PLD5: variants seen among roughly 807,000 people sequenced by gnomAD.
The protein encoded by PLD5 is phospholipase D family member 5, also known as inactive phospholipase D5.
Under a neutral mutation model 61.1 loss-of-function variants are expected in PLD5, and 36 were observed. The ratio of observed to expected loss-of-function variants is 0.59; its 90% confidence interval spans 0.45 to 0.78. The LOEUF (loss-of-function observed/expected upper bound fraction) is 0.78, where lower values mean the gene tolerates loss of function less well. PLD5 is among the 30% of genes least tolerant of loss of function. PLD5 has a pLI of 0.00. For missense variants in PLD5, 515 were observed against 644.4 expected (o/e 0.80, Z 2.17); for synonymous variants, 243 against 242.8 (o/e 1.00, Z -0.01).
intron 4 of PLD5, among the ~76,000 whole-genome samples, chr1:242,234,345 C>T (rs1671501281): frequency 6.6e-6 from 1 of 152,158 alleles, no homozygotes; most frequent in Admixed American, 6.5e-5. Context: ...AGGAGCCCCA[C>T]ATCTTATGAA....
chr1:242,089,416 AT>A lies in PLD5; in HGVS notation c.*437del. The A allele has an allele frequency of 2.5e-5, 10 of 399,640 alleles. No homozygotes were observed. Among genetic ancestry groups the A allele is most frequent in the Admixed American group, 1.3e-4 (3 of 23,082 alleles). 24.8% of individuals were successfully genotyped at this position (399,640 alleles called of 1,614,324 possible). ...TAGGTCTTGGAGACGATTTACAAGA[AT>A]AAACACTTGGTTTTATCAGTCTCTT... On this transcript the variant is annotated 3_prime_UTR_variant, in exon 10 of 10. Transcript: ENST00000536534.
At chr1:242,330,958 C>T (rs535859782) in intron 2 of PLD5, among the ~76,000 whole-genome samples, 1 of 152,250 alleles carries the variant, frequency 6.6e-6, no homozygotes, top group South Asian at 2.1e-4. Flanking sequence ...CTTCTCCTCC[C>T]CTGGTCCAGT....
intron 5 of PLD5, among the ~76,000 whole-genome samples, chr1:242,200,122 C>G (rs751320981): frequency 6.6e-6 from 1 of 152,180 alleles, no homozygotes; most frequent in Non-Finnish European, 1.5e-5. Flanking sequence ...ATGGACTTTT[C>G]CTTTTTCCTA....
intron 4 of PLD5, among the ~76,000 whole-genome samples, chr1:242,221,484 T>C (rs1364564002): frequency 6.6e-6 from 1 of 152,194 alleles, no homozygotes; most frequent in Non-Finnish European, 1.5e-5. Context: ...ATTTACACTA[T>C]GAACTTAATG....
At chr1:242,211,721 G>A (rs1295473323) in intron 5 of PLD5, among the ~76,000 whole-genome samples, 1 of 152,094 alleles carries the variant, frequency 6.6e-6, no homozygotes, top group African/African-American at 2.4e-5. Context: ...TGGACCCCCC[G>A]AAAATGAAGG....
chr1:242,138,890 G>C (rs1574375402), intron 5 of PLD5, among the ~76,000 whole-genome samples: 2 of 152,208 alleles, frequency 1.3e-5, no homozygotes, highest in Non-Finnish European at 2.9e-5. Context: ...CCACAACTGT[G>C]TAAGAACTAA....
At chr1:242,445,699 A>G (rs1032189909) in intron 1 of PLD5, among the ~76,000 whole-genome samples, 10 of 151,018 alleles carry the variant, frequency 6.6e-5, no homozygotes, top group African/African-American at 2.4e-4. Flanking sequence ...CAGCCTGAAC[A>G]GACTAAGACA....
intron 9 of PLD5, among the ~76,000 whole-genome samples, chr1:242,092,678 T>G (rs1300887770): frequency 6.6e-6 from 1 of 152,110 alleles, no homozygotes; most frequent in Non-Finnish European, 1.5e-5. Context: ...ATCATCTGTC[T>G]CCCTGGGCAC....
intron 3 of PLD5, among the ~76,000 whole-genome samples, chr1:242,278,949 C>A (rs1000595648): frequency 1.3e-5 from 2 of 152,196 alleles, no homozygotes; most frequent in African/African-American, 4.8e-5. Flanking sequence ...TGTCTTTATG[C>A]TGACACTGTA....
intron 5 of PLD5, among the ~76,000 whole-genome samples, chr1:242,170,576 G>C (rs1448708229): frequency 6.6e-6 from 1 of 152,170 alleles, no homozygotes; most frequent in African/African-American, 2.4e-5. Context: ...GACATAAGTA[G>C]GCTTCAGAAG....
At chr1:242,169,879 C>T (rs1207812046) in intron 5 of PLD5, among the ~76,000 whole-genome samples, 1 of 152,178 alleles carries the variant, frequency 6.6e-6, no homozygotes, top group Non-Finnish European at 1.5e-5. Context: ...GACTGCCTTT[C>T]TAGATATCTC....
intron 2 of PLD5, among the ~76,000 whole-genome samples, chr1:242,332,702 T>C (rs1452989190): frequency 2.6e-5 from 4 of 152,214 alleles, no homozygotes; most frequent in African/African-American, 9.6e-5. Context: ...AGCTTTTACA[T>C]CAAGTGGCTC....
At chr1:242,168,464 G>A (rs1388908452) in intron 5 of PLD5, among the ~76,000 whole-genome samples, 2 of 152,020 alleles carry the variant, frequency 1.3e-5, no homozygotes, top group Non-Finnish European at 2.9e-5. Context: ...TAATAAGTAA[G>A]AATATATATA....
intron 1 of PLD5, among the ~76,000 whole-genome samples, chr1:242,470,616 T>C (rs1387115982): frequency 6.6e-6 from 1 of 152,232 alleles, no homozygotes; most frequent in Non-Finnish European, 1.5e-5. Context: ...TTATTAATAC[T>C]GAATAATACT....
intron 6 of PLD5, among the ~76,000 whole-genome samples, chr1:242,115,847 A>C (rs976814929): frequency 1.3e-5 from 2 of 152,220 alleles, no homozygotes; most frequent in African/African-American, 4.8e-5. Context: ...AAATGAAAAA[A>C]AGAGGCAAAT....
rs1040940260 is a variant in PLD5, at chr1:242,363,499, G to A, written c.190-15257C>T. Among the ~76,000 whole-genome samples, 39 of 143,802 alleles carry A rather than the reference G, an allele frequency of 2.7e-4. 1 individual carries two copies. The highest frequency in any genetic ancestry group is 9.2e-4 in the African/African-American group (36 of 38,936). 94.3% of individuals were successfully genotyped at this position (143,802 alleles called of 152,430 possible). Reference sequence around the variant, plus strand: ...CTCAAAAAACCCAAATTGTTCACCAGTAAGTAGTAACTATACCTCATAACA... The same window carrying A: ...CTCAAAAAACCCAAATTGTTCACCAATAAGTAGTAACTATACCTCATAACA... On this transcript the variant is annotated intron_variant, in intron 1 of 9. Coordinates refer to ENST00000536534, the MANE Select transcript of PLD5 (RefSeq NM_001372062.1).
At position 242,377,259 on chromosome 1, in the gene PLD5, T is replaced by C. The variant is rs1186626077; in HGVS notation, c.190-29017A>G. 2.5e-6 allele frequency: 4 copies of C among 1,610,400 alleles called. No homozygotes were observed. In the East Asian group the frequency reaches 6.7e-5, roughly 27 times the overall value. ...CGATTTGTGCTGAGGGACGTGTTCG[T>C]GGAACTGCAGCAGGTTTTCAGTGGT... On this transcript the variant is annotated intron_variant, in intron 1 of 9. Transcript: ENST00000536534.
chr1:242,274,897 C>T (rs879416964), intron 3 of PLD5, among the ~76,000 whole-genome samples: 55 of 152,304 alleles, frequency 3.6e-4, no homozygotes, highest in Admixed American at 1.4e-3. Context: ...GTCAACACTT[C>T]CTCTCGTCAG....
At chr1:242,447,733 C>T (rs753868406) in intron 1 of PLD5, among the ~76,000 whole-genome samples, 1 of 152,226 alleles carries the variant, frequency 6.6e-6, no homozygotes, top group Admixed American at 6.5e-5. Context: ...GGAAAGTTCA[C>T]TCTCTTCGGA....
Sources: gnomAD v4.1 joint callset for allele counts (sites outside exome capture counted in the v4.1 genomes callset) on GRCh38, gnomAD v4.1.1 for gene constraint, MANE v1.5 for transcripts, NCBI Gene and HGNC (gene_info 2026-07-23, HGNC 2026-07-21) for gene names.